The following BRINP3 variants were observed in gnomAD, a reference collection of about 807,000 sequenced individuals.
The protein encoded by BRINP3 is BMP/retinoic acid-inducible neural-specific protein 3.
In BRINP3, 19 loss-of-function variants were observed where a neutral mutation model predicts 71.0. That is an observed-to-expected ratio of 0.27 (90% confidence interval 0.19 to 0.39). The LOEUF (loss-of-function observed/expected upper bound fraction) is 0.39, where lower values mean the gene tolerates loss of function less well. BRINP3 is among the 10% of genes least tolerant of loss of function. The pLI, the probability that BRINP3 is intolerant of heterozygous loss-of-function variation, is 1.00. For synonymous variants in BRINP3, 380 were observed against 337.7 expected, an observed-to-expected ratio of 1.13 and a Z score of -1.37; for missense variants, 959 against 940.8, an observed-to-expected ratio of 1.02 and a Z score of -0.25.
Position 190,451,187 on chromosome 1 carries a change from G to GAA in BRINP3, c.236+3466_236+3467dup, listed in dbSNP as rs11427931. 6.5e-3 allele frequency among the ~76,000 whole-genome samples: 979 copies of GAA among 150,820 alleles called. 14 individuals are homozygous for GAA. Among genetic ancestry groups the GAA allele is most frequent in the African/African-American group, 0.022 (915 of 41,116 alleles). ...CAAAGAATGGTAGAAGTTAGGGAAA[G>GAA]AAAAAAAAAATTTTTGTTTTGAGTC... is the stretch of plus-strand genomic sequence containing the variant. On this transcript the variant is annotated intron_variant, in intron 2 of 7. Coordinates refer to ENST00000367462, the MANE Select transcript of BRINP3 (RefSeq NM_199051.3).
intron 1 of BRINP3, among the ~76,000 whole-genome samples, chr1:190,456,455 A>G (rs886764444): frequency 2.6e-5 from 4 of 152,192 alleles, no homozygotes; most frequent in African/African-American, 9.6e-5. Context: ...ATATTATAAT[A>G]GAAGAATTTT....
intron 6 of BRINP3, among the ~76,000 whole-genome samples, chr1:190,203,000 T>C (rs973292457): frequency 1.3e-5 from 2 of 152,114 alleles, no homozygotes; most frequent in African/African-American, 4.8e-5. Context: ...ATTTAGGTTA[T>C]TGTAATAATA....
chr1:190,454,003 C>T (rs1053355623), intron 2 of BRINP3, among the ~76,000 whole-genome samples: 5 of 152,168 alleles, frequency 3.3e-5, no homozygotes, highest in Admixed American at 1.3e-4. Flanking sequence ...AATGTATTCA[C>T]GGGACATCAG....
At chr1:190,137,949 G>GTT (rs560918673) in intron 7 of BRINP3, among the ~76,000 whole-genome samples, 2 of 145,520 alleles carry the variant, frequency 1.4e-5, no homozygotes. Flanking sequence ...AGACTTCCTA[G>GTT]TTTTTTTTTT....
At chr1:190,099,615 C>A (rs1233869440) in intron 7 of BRINP3, among the ~76,000 whole-genome samples, 2 of 152,034 alleles carry the variant, frequency 1.3e-5, no homozygotes, top group African/African-American at 2.4e-5. Flanking sequence ...ACTAGTGTTG[C>A]AGGAAGGATG....
chr1:190,463,973 A>ATACT (rs1340612088), intron 1 of BRINP3, among the ~76,000 whole-genome samples: 1 of 151,920 alleles, frequency 6.6e-6, no homozygotes, highest in Non-Finnish European at 1.5e-5. Context: ...TTCTATTTCT[A>ATACT]TACTCCAACA....
At chr1:190,166,056 C>G (rs932085714) in intron 6 of BRINP3, among the ~76,000 whole-genome samples, 2 of 152,140 alleles carry the variant, frequency 1.3e-5, no homozygotes, top group South Asian at 2.1e-4. Flanking sequence ...TTCCCAATAT[C>G]TACAGTAAAT....
chr1:190,411,791 G>A (rs888192072), intron 2 of BRINP3, among the ~76,000 whole-genome samples: 1 of 152,172 alleles, frequency 6.6e-6, no homozygotes, highest in African/African-American at 2.4e-5. Flanking sequence ...AACACATTTT[G>A]AAATCTGGAA....
chr1:190,391,856 C>A (rs1017894409), intron 2 of BRINP3, among the ~76,000 whole-genome samples: 2 of 151,724 alleles, frequency 1.3e-5, no homozygotes, highest in Non-Finnish European at 2.9e-5. Context: ...AGATAGGTAA[C>A]TTTATCACTG....
chr1:190,264,175 C>G (rs536642139), intron 4 of BRINP3, among the ~76,000 whole-genome samples: 1 of 152,050 alleles, frequency 6.6e-6, no homozygotes, highest in East Asian at 1.9e-4. Flanking sequence ...AATTTCTCCT[C>G]TCTGTCTCTC....
intron 1 of BRINP3, among the ~76,000 whole-genome samples, chr1:190,468,862 A>C (rs995374360): frequency 2.0e-5 from 3 of 151,012 alleles, no homozygotes; most frequent in African/African-American, 7.3e-5. Context: ...ATGTCCTTTA[A>C]ATTTTTTTTT....
intron 7 of BRINP3, among the ~76,000 whole-genome samples, chr1:190,156,172 T>C (rs1656847374): frequency 6.6e-6 from 1 of 152,122 alleles, no homozygotes; most frequent in Non-Finnish European, 1.5e-5. Context: ...TGTCAAGCTT[T>C]ATTGAAAAGG....
intron 4 of BRINP3, among the ~76,000 whole-genome samples, chr1:190,253,366 G>T (rs1395035915): frequency 6.6e-6 from 1 of 152,142 alleles, no homozygotes; most frequent in Non-Finnish European, 1.5e-5. Context: ...TTTCACAATG[G>T]TTGAACTAGT....
intron 6 of BRINP3, among the ~76,000 whole-genome samples, chr1:190,168,179 T>G (rs1167721042): frequency 6.6e-6 from 1 of 151,200 alleles, no homozygotes; most frequent in African/African-American, 2.4e-5. Flanking sequence ...GACAAATACA[T>G]GACCAGTGCC....
At chr1:190,128,678 A>T (rs1198414936) in intron 7 of BRINP3, among the ~76,000 whole-genome samples, 1 of 151,804 alleles carries the variant, frequency 6.6e-6, no homozygotes, top group Non-Finnish European at 1.5e-5. Context: ...TTCCTATTTG[A>T]TATTTGCTGT....
intron 4 of BRINP3, among the ~76,000 whole-genome samples, chr1:190,245,162 A>G (rs1295789397): frequency 6.6e-6 from 1 of 152,002 alleles, no homozygotes; most frequent in East Asian, 1.9e-4. Context: ...CTAAAACTCA[A>G]CAGACTCAAG....
chr1:190,162,236 G>A (rs1213292155), intron 6 of BRINP3, among the ~76,000 whole-genome samples: 2 of 150,898 alleles, frequency 1.3e-5, no homozygotes, highest in Admixed American at 6.6e-5. Flanking sequence ...CGTTATCCAG[G>A]CTAGAGTGCA....
At chr1:190,162,571 C>A (rs1651102762) in intron 6 of BRINP3, among the ~76,000 whole-genome samples, 2 of 152,146 alleles carry the variant, frequency 1.3e-5, no homozygotes, top group East Asian at 3.9e-4. Flanking sequence ...ATTTACATAG[C>A]AGATGCCACT....
chr1:190,422,870 A>G (rs1673473045), intron 2 of BRINP3, among the ~76,000 whole-genome samples: 1 of 151,876 alleles, frequency 6.6e-6, no homozygotes, highest in Admixed American at 6.6e-5. Flanking sequence ...TATATGACTT[A>G]CAAAGCTGGT....
Sources: gnomAD v4.1 joint callset for allele counts (sites outside exome capture counted in the v4.1 genomes callset) on GRCh38, gnomAD v4.1.1 for gene constraint, MANE v1.5 for transcripts, NCBI Gene and HGNC (gene_info 2026-07-23, HGNC 2026-07-21) for gene names.